Variants in KICS2 observed in about 807,000 individuals in gnomAD.
The protein encoded by KICS2 is KICSTOR subunit 2.
In KICS2, 13 loss-of-function variants were observed where a neutral mutation model predicts 31.4. The observed-to-expected ratio is 0.41, with a 90% CI of 0.27 to 0.66. The LOEUF (loss-of-function observed/expected upper bound fraction) is 0.66. Among genes scored for constraint, KICS2 ranks in the 30% least tolerant of loss-of-function variants. KICS2 has a pLI of 0.28. For missense variants in KICS2, 455 were observed against 545.4 expected (o/e 0.83, Z 1.65); for synonymous variants, 209 against 214.8 (o/e 0.97, Z 0.24).
intron 2 of KICS2, among the ~76,000 whole-genome samples, chr12:64,215,139 C>T (rs1325410330): frequency 4.7e-5 from 4 of 84,348 alleles, no homozygotes; most frequent in African/African-American, 1.4e-4. Flanking sequence ...GACCCCGTCT[C>T]TACTAAAAAA....
chr12:64,186,571 C>T (rs1226722783), downstream of KICS2: 1 of 152,162 alleles, frequency 6.6e-6, no homozygotes, highest in African/African-American at 2.4e-5. Context: ...CCAATATTTA[C>T]AATACATAAT....
At chr12:64,221,670 C>G (rs1273140299) in intron 1 of KICS2, 1 of 387,698 alleles carries the variant, frequency 2.6e-6, no homozygotes, top group East Asian at 5.0e-5. Flanking sequence ...CTGGCTGCAG[C>G]GTCACTAATT....
downstream of KICS2, among the ~76,000 whole-genome samples, chr12:64,190,109 A>C (rs1235995934): frequency 6.6e-6 from 1 of 152,226 alleles, no homozygotes; most frequent in African/African-American, 2.4e-5. Context: ...CTCCTCTTCT[A>C]AACCAGTTCT....
chr12:64,201,729 G>A (rs1222813167), intron 2 of KICS2, among the ~76,000 whole-genome samples: 1 of 151,300 alleles, frequency 6.6e-6, no homozygotes, highest in Non-Finnish European at 1.5e-5. Context: ...TGTAATCCCA[G>A]CTACTCTGGA....
chr12:64,187,067 G>C (rs538149236), downstream of KICS2: 2 of 152,812 alleles, frequency 1.3e-5, no homozygotes, highest in South Asian at 2.1e-4. Flanking sequence ...ATCTCAGACT[G>C]AATCAGGCAT....
At position 64,194,363 on chromosome 12, in the gene KICS2, A is replaced by G; in HGVS notation, c.817T>C (p.Phe273Leu). 1 of 1,614,224 alleles carries G rather than the reference A, an allele frequency of 6.2e-7. No individual in the cohort carries two copies. Among genetic ancestry groups the G allele is most frequent in the Non-Finnish European group, 8.5e-7 (1 of 1,180,042 alleles). ...GTTTGTCGGCTCAGAGCCTCATGAA[A>G]GTAAAAGCTAAACTTGGCAAGAAGC... ...NMLLAKFSFY[F>L]HEALSRQTTA... Residue 273 changes from phenylalanine to leucine, a missense_variant, in exon 3 of 3, where the codon TTT becomes CTT. By Grantham distance (22) the Phe-to-Leu change is conservative. Transcript: ENST00000398055.
rs1370389798 is a variant in KICS2, at chr12:64,194,436, G to C, written c.744C>G (p.Ala248=). ...AAAGGAAAAGGTGTGGAGGCTGCAC[G>C]GCCTTCTGAGACTGCCCTCCAAACA... ...KHLFGGQSQK[A]VQPPHLFLWL... is the part of the protein sequence containing the mutation. Residue 248 remains alanine, a synonymous_variant, in exon 3 of 3, where the codon GCC becomes GCG. Transcript: ENST00000398055. The C allele has an allele frequency of 3.1e-6, 5 of 1,614,168 alleles. No individual in the cohort carries two copies. In the East Asian group the frequency reaches 1.1e-4, roughly 36 times the overall value.
chr12:64,193,693 A>G lies in KICS2; in HGVS notation c.*149T>C. The G allele has an allele frequency of 7.0e-7, 1 of 1,438,194 alleles. No individual in the cohort carries two copies. 89.1% of individuals were successfully genotyped at this position (1,438,194 alleles called of 1,614,324 possible). A position where few individuals can be genotyped will look rare whatever the true frequency, so the allele number is the denominator to read the frequency against. On this transcript the variant is annotated 3_prime_UTR_variant, in exon 3 of 3. Transcript: ENST00000398055. ...TTAATTCAATTGGCCTTAATTGCTT[A>G]TAAAGTGTGCAACACAGGGAGGATT...
chr12:64,203,764 A>C (rs564244408), intron 2 of KICS2, among the ~76,000 whole-genome samples: 1 of 152,370 alleles, frequency 6.6e-6, no homozygotes, highest in East Asian at 1.9e-4. Context: ...TAGGTTGGAC[A>C]TTATAAGAGA....
At chr12:64,201,959 CT>C (rs1281445667) in intron 2 of KICS2, among the ~76,000 whole-genome samples, 1 of 152,212 alleles carries the variant, frequency 6.6e-6, no homozygotes, top group Non-Finnish European at 1.5e-5. Context: ...CTAGAAGGCA[CT>C]GAATAATGTA....
chr12:64,209,960 A>G (rs2037569355), intron 2 of KICS2, among the ~76,000 whole-genome samples: 1 of 152,232 alleles, frequency 6.6e-6, no homozygotes, highest in African/African-American at 2.4e-5. Context: ...ATACCAAAAT[A>G]TGAATTATTT....
chr12:64,214,675 C>T (rs757870623), intron 2 of KICS2, among the ~76,000 whole-genome samples: 22 of 151,750 alleles, frequency 1.4e-4, no homozygotes, highest in African/African-American at 5.3e-4. Context: ...GTCAGGAGTT[C>T]GAGACCAGCC....
chr12:64,221,523 C>T (rs1179894562), intron 1 of KICS2: 1 of 157,596 alleles, frequency 6.3e-6, no homozygotes, highest in East Asian at 1.9e-4. Flanking sequence ...TCATTTATTA[C>T]TTTAGTCATT....
intron 2 of KICS2, among the ~76,000 whole-genome samples, chr12:64,197,923 C>G (rs1171663099): frequency 1.5e-5 from 2 of 136,274 alleles, no homozygotes; most frequent in Admixed American, 1.5e-4. Flanking sequence ...TATATGCACC[C>G]AATACAGGAG....
At chr12:64,214,977 AC>A (rs1310219411) in intron 2 of KICS2, among the ~76,000 whole-genome samples, 2 of 152,070 alleles carry the variant, frequency 1.3e-5, no homozygotes, top group African/African-American at 4.8e-5. Flanking sequence ...TTTAAAAGGG[AC>A]AATATTTATT....
chr12:64,201,857 C>G (rs570675106), intron 2 of KICS2, among the ~76,000 whole-genome samples: 5 of 151,802 alleles, frequency 3.3e-5, no homozygotes, highest in African/African-American at 1.2e-4. Context: ...AACAAACAAA[C>G]AAACAAACAA....
rs1363541668 is a variant in KICS2, at chr12:64,191,214, A to T, written c.*2628T>A. ...AATTATGTGGAGTTTTTATAATTAG[A>T]AAACTTTATTGAAGAGCTTCAGAAA... is the stretch of plus-strand genomic sequence containing the variant. On this transcript the variant is annotated 3_prime_UTR_variant, in exon 3 of 3. Transcript: ENST00000398055. 6.6e-6 allele frequency: 1 copy of T among 152,194 alleles called. No individual in the cohort carries two copies. The highest frequency in any genetic ancestry group is 1.5e-5 in the Non-Finnish European group (1 of 68,042). 9.4% of individuals were successfully genotyped at this position (152,194 alleles called of 1,614,324 possible).
At chr12:64,201,619 G>GAAAAAAAAAAAAAAAAAAAAA (rs142477212) in intron 2 of KICS2, among the ~76,000 whole-genome samples, 10 of 117,562 alleles carry the variant, frequency 8.5e-5, no homozygotes, top group East Asian at 2.4e-4. Flanking sequence ...AAAAAAAAAA[G>GAAAAAAAAAAAAAAAAAAAAA]AAAAAAAAAA....
intron 2 of KICS2, among the ~76,000 whole-genome samples, chr12:64,209,374 CA>C (rs1297820934): frequency 6.6e-6 from 1 of 152,032 alleles, no homozygotes; most frequent in African/African-American, 2.4e-5. Context: ...CACCTGAGGT[CA>C]GGGGTTCAAG....
Sources: gnomAD v4.1 joint callset for allele counts (sites outside exome capture counted in the v4.1 genomes callset) on GRCh38, gnomAD v4.1.1 for gene constraint, MANE v1.5 for transcripts, NCBI Gene and HGNC (gene_info 2026-07-23, HGNC 2026-07-21) for gene names.